Variants in SYT10 observed in about 807,000 individuals in gnomAD.
SYT10 encodes the protein synaptotagmin 10.
In SYT10, 31 loss-of-function variants were observed where a neutral mutation model predicts 51.1. The ratio of observed to expected loss-of-function variants is 0.61; its 90% CI spans 0.46 to 0.82. The LOEUF is 0.82. Among genes scored for constraint, SYT10 ranks in the 40% least tolerant of loss-of-function variants. The pLI, the probability that SYT10 is intolerant of heterozygous loss-of-function variation, is 0.00. For missense variants in SYT10, 603 were observed against 634.0 expected (o/e 0.95, Z 0.53); for synonymous variants, 233 against 225.9 (o/e 1.03, Z -0.28).
At position 33,395,753 on chromosome 12, in the gene SYT10, A is replaced by G. The variant is rs531066241; in HGVS notation, c.1078-10462T>C. ...ATTATAAGTTTTAAAGGCCTTATGCATATGTTTTTGCCACAAGTATTATGT... is the reference window on the plus strand; with the variant it reads ...ATTATAAGTTTTAAAGGCCTTATGCGTATGTTTTTGCCACAAGTATTATGT... On this transcript the variant is annotated intron_variant, in intron 3 of 6. Coordinates refer to ENST00000228567, the MANE Select transcript of SYT10 (RefSeq NM_198992.4). Among the ~76,000 whole-genome samples, 7 of 152,320 alleles carry G rather than the reference A, an allele frequency of 4.6e-5. No individual in the cohort carries two copies. In the East Asian group the frequency reaches 1.4e-3, roughly 29 times the overall value.
intron 3 of SYT10, among the ~76,000 whole-genome samples, chr12:33,394,768 T>TA (rs1866239243): frequency 6.6e-6 from 1 of 152,224 alleles, no homozygotes; most frequent in South Asian, 2.1e-4. Flanking sequence ...TGTACTTTCG[T>TA]ACTTTACTCT....
chr12:33,412,459 A>C (rs762465791), intron 2 of SYT10, among the ~76,000 whole-genome samples: 2 of 151,396 alleles, frequency 1.3e-5, no homozygotes, highest in Non-Finnish European at 2.9e-5. Flanking sequence ...ATATAGTCTC[A>C]CACAAATATC....
At chr12:33,399,427 G>T (rs1021527131) in intron 3 of SYT10, among the ~76,000 whole-genome samples, 2 of 152,148 alleles carry the variant, frequency 1.3e-5, no homozygotes, top group African/African-American at 4.8e-5. Context: ...ACAGGAAGCT[G>T]CTCTTTAAAC....
In SYT10 at chr12:33,376,856, A is replaced by G; in HGVS notation, c.1546T>C (p.Ser516Pro). ...TSFDSQGSCPSPKPPSTP is the reference protein window; with the variant it reads ...TSFDSQGSCPPPKPPSTP ...TATGGTGTGGAAGGTGGTTTAGGAG[A>G]AGGGCAGGATCCTTGACTATCAAAA... Residue 516 changes from serine (S) to proline (P), a missense_variant, in exon 7 of 7, where the codon TCT becomes CCT. Transcript: ENST00000228567. The G allele has an allele frequency of 6.2e-7, 1 of 1,614,058 alleles. No homozygotes were observed. Among genetic ancestry groups the G allele is most frequent in the Non-Finnish European group, 8.5e-7 (1 of 1,179,976 alleles).
At chr12:33,380,808 G>T (rs1866107535) in intron 5 of SYT10, among the ~76,000 whole-genome samples, 1 of 152,132 alleles carries the variant, frequency 6.6e-6, no homozygotes, top group Non-Finnish European at 1.5e-5. Context: ...AGCACTTGTG[G>T]TTAAGTTGCT....
chr12:33,375,744 T>G lies in SYT10; in HGVS notation c.*1086A>C, dbSNP rs1310019096. On this transcript the variant is annotated 3_prime_UTR_variant, in exon 7 of 7. Coordinates refer to ENST00000228567, the MANE Select transcript of SYT10 (RefSeq NM_198992.4). ...TATTAATATTTATAGTATATTTCTA[T>G]ATGTTGCTGAAAATAAATCATCCTT... The G allele has an allele frequency of 6.6e-6, 1 of 152,544 alleles. No individual in the cohort carries two copies. Among genetic ancestry groups the G allele is most frequent in the African/African-American group, 2.4e-5 (1 of 41,448 alleles). 9.4% of individuals were successfully genotyped at this position (152,544 alleles called of 1,614,324 possible).
At chr12:33,389,264 G>A (rs921139925) in intron 3 of SYT10, among the ~76,000 whole-genome samples, 5 of 152,108 alleles carry the variant, frequency 3.3e-5, no homozygotes, top group African/African-American at 7.2e-5. Flanking sequence ...TGGAAAGGGC[G>A]TAGGTTCCTG....
intron 3 of SYT10, among the ~76,000 whole-genome samples, chr12:33,386,316 C>T (rs541922299): frequency 2.5e-4 from 38 of 152,128 alleles, no homozygotes; most frequent in Non-Finnish European, 4.1e-4. Flanking sequence ...TACATTAGAA[C>T]GTCACACACA....
chr12:33,431,734 A>G (rs933985060), intron 1 of SYT10, among the ~76,000 whole-genome samples: 1 of 152,216 alleles, frequency 6.6e-6, no homozygotes, highest in African/African-American at 2.4e-5. Flanking sequence ...AATTCATAGA[A>G]TAAGTCCAAG....
intron 3 of SYT10, among the ~76,000 whole-genome samples, chr12:33,392,721 G>C (rs1228524063): frequency 1.3e-5 from 2 of 151,956 alleles, no homozygotes; most frequent in African/African-American, 2.4e-5. Context: ...TAAGCATTGT[G>C]CTTGGCCATG....
chr12:33,438,947 G>A (rs1011910523), intron 1 of SYT10, among the ~76,000 whole-genome samples: 6 of 152,350 alleles, frequency 3.9e-5, no homozygotes, highest in Admixed American at 3.3e-4. Flanking sequence ...GCCGGGACCA[G>A]CGGCCGGTGG....
chr12:33,399,472 G>A (rs1591987343), intron 3 of SYT10, among the ~76,000 whole-genome samples: 1 of 152,112 alleles, frequency 6.6e-6, no homozygotes, highest in Admixed American at 6.6e-5. Context: ...ATTGTTGTGG[G>A]CTATTTTATA....
intron 3 of SYT10, among the ~76,000 whole-genome samples, chr12:33,391,177 T>A (rs1212046090): frequency 2.0e-5 from 3 of 152,232 alleles, no homozygotes; most frequent in Non-Finnish European, 4.4e-5. Context: ...CTTCAGGTGA[T>A]CTGCCCACCT....
At chr12:33,409,562 G>A (rs1448592370) in intron 2 of SYT10, among the ~76,000 whole-genome samples, 2 of 151,382 alleles carry the variant, frequency 1.3e-5, no homozygotes, top group Non-Finnish European at 2.9e-5. Flanking sequence ...CGCCCAGGCT[G>A]GAGTGCAGTG....
chr12:33,436,059 T>G (rs1202839540), intron 1 of SYT10, among the ~76,000 whole-genome samples: 1 of 152,278 alleles, frequency 6.6e-6, no homozygotes, highest in African/African-American at 2.4e-5. Context: ...TGATGTGAGC[T>G]CAAGTGACTG....
intron 3 of SYT10, among the ~76,000 whole-genome samples, chr12:33,394,884 A>G (rs185789148): frequency 5.1e-4 from 78 of 152,296 alleles, no homozygotes; most frequent in Admixed American, 3.9e-3. Flanking sequence ...TCAGGAGATC[A>G]AGACCATCCT....
intron 2 of SYT10, among the ~76,000 whole-genome samples, chr12:33,415,845 T>C (rs1053193693): frequency 4.6e-5 from 7 of 152,234 alleles, no homozygotes; most frequent in Admixed American, 3.9e-4. Context: ...GAGTAAACTG[T>C]ATAAAATGCC....
intron 1 of SYT10, among the ~76,000 whole-genome samples, chr12:33,428,417 T>C (rs1348935185): frequency 6.6e-6 from 1 of 152,040 alleles, no homozygotes; most frequent in Non-Finnish European, 1.5e-5. Flanking sequence ...GAAAGAAAGA[T>C]ATGCAAAAAA....
chr12:33,412,732 G>GA (rs1477112924), intron 2 of SYT10, among the ~76,000 whole-genome samples: 1 of 152,076 alleles, frequency 6.6e-6, no homozygotes, highest in Non-Finnish European at 1.5e-5. Flanking sequence ...CAAAGATGGG[G>GA]AAAAAACAGA....
Sources: gnomAD v4.1 joint callset for allele counts (sites outside exome capture counted in the v4.1 genomes callset) on GRCh38, gnomAD v4.1.1 for gene constraint, MANE v1.5 for transcripts, NCBI Gene and HGNC (gene_info 2026-07-23, HGNC 2026-07-21) for gene names.